PTPRT: variants seen among roughly 807,000 people sequenced by gnomAD.
PTPRT encodes the protein receptor-type tyrosine-protein phosphatase T.
In PTPRT, 56 loss-of-function variants were observed where a neutral mutation model predicts 176.8. That is an observed-to-expected ratio of 0.32 (90% confidence interval 0.26 to 0.40). PTPRT has a LOEUF of 0.40. PTPRT is among the 10% of genes least tolerant of loss of function. The probability of loss-of-function intolerance (pLI) is 1.00; values close to 1 mark genes in which losing one functional copy is unlikely to be tolerated. For synonymous variants in PTPRT, 783 were observed against 739.0 expected (o/e 1.06, Z -0.96); for missense variants, 1,540 against 1,908.2 (o/e 0.81, Z 3.60).
intron 13 of PTPRT, chr20:42,270,328 C>T (rs1600757077): frequency 7.0e-7 from 1 of 1,428,576 alleles, no homozygotes; most frequent in South Asian, 1.2e-5. Flanking sequence ...CTCTGGTGCA[C>T]CTGGCCTGGA....
intron 1 of PTPRT, among the ~76,000 whole-genome samples, chr20:43,058,991 G>A (rs746220815): frequency 2.0e-5 from 3 of 152,102 alleles, no homozygotes; most frequent in Non-Finnish European, 4.4e-5. Context: ...GTGAGGTGGC[G>A]CCAGGTAGGG....
chr20:42,348,393 T>TATTTATTTATTG (rs1002036498), intron 11 of PTPRT, among the ~76,000 whole-genome samples: 5 of 151,656 alleles, frequency 3.3e-5, no homozygotes, highest in Non-Finnish European at 5.9e-5. Context: ...TTTATTTATT[T>TATTTATTTATTG]ATTTATTTAT....
chr20:42,600,365 C>T (rs2073756841), intron 7 of PTPRT, among the ~76,000 whole-genome samples: 7 of 152,318 alleles, frequency 4.6e-5, no homozygotes, highest in Admixed American at 2.0e-4. Context: ...GTCTTGAACT[C>T]CTGACTTCAA....
intron 7 of PTPRT, among the ~76,000 whole-genome samples, chr20:42,614,676 C>T (rs1600474469): frequency 1.3e-5 from 2 of 152,260 alleles, no homozygotes; most frequent in South Asian, 4.1e-4. Flanking sequence ...TTCTGACCAC[C>T]CTGCAATGAA....
intron 12 of PTPRT, among the ~76,000 whole-genome samples, chr20:42,313,286 A>T (rs1377568597): frequency 6.6e-6 from 1 of 152,168 alleles, no homozygotes; most frequent in African/African-American, 2.4e-5. Context: ...GCCCTCAGGG[A>T]TGCTCTGTCT....
At position 42,079,821 on chromosome 20, in the gene PTPRT, C is replaced by T; in HGVS notation, c.*1058G>A. 4.3e-6 allele frequency: 1 copy of T among 230,524 alleles called. No homozygotes were observed. The highest frequency in any genetic ancestry group is 5.7e-5 in the Admixed American group (1 of 17,696). 14.3% of individuals were successfully genotyped at this position (230,524 alleles called of 1,614,324 possible). On this transcript the variant is annotated 3_prime_UTR_variant, in exon 31 of 31. Coordinates refer to ENST00000373187, the MANE Select transcript of PTPRT (RefSeq NM_007050.6). ...CTTCAGGCTCACCCATCTCTCCTTGCTCAGTGGCATGCTGTCCCAGGGTGG... is the reference window on the plus strand; with the variant it reads ...CTTCAGGCTCACCCATCTCTCCTTGTTCAGTGGCATGCTGTCCCAGGGTGG...
At chr20:42,408,781 G>T (rs2058985522) in intron 9 of PTPRT, among the ~76,000 whole-genome samples, 1 of 152,146 alleles carries the variant, frequency 6.6e-6, no homozygotes, top group Non-Finnish European at 1.5e-5. Context: ...TTGAGAGTGG[G>T]TAATTTATAA....
At position 42,796,721 on chromosome 20, in the gene PTPRT, G is replaced by A. The variant is rs545127406; in HGVS notation, c.215-5255C>T. Among the ~76,000 whole-genome samples the A allele has an allele frequency of 9.2e-5, 14 of 152,328 alleles. No individual in the cohort carries two copies. The East Asian group carries it at 2.5e-3, about 27-fold the overall frequency. Reference sequence around the variant, plus strand: ...ACTTAGGAGAAGTATGTGCACACACGTTGGGCATTCCCAGCCTCAGCTTTG... The same window carrying A: ...ACTTAGGAGAAGTATGTGCACACACATTGGGCATTCCCAGCCTCAGCTTTG... On this transcript the variant is annotated intron_variant, in intron 2 of 30. Coordinates refer to ENST00000373187, the MANE Select transcript of PTPRT (RefSeq NM_007050.6).
chr20:43,158,572 C>A (rs571370941), intron 1 of PTPRT, among the ~76,000 whole-genome samples: 2 of 152,150 alleles, frequency 1.3e-5, no homozygotes, highest in Non-Finnish European at 2.9e-5. Flanking sequence ...CCATTCTGTT[C>A]GTGCTCCCAT....
intron 1 of PTPRT, among the ~76,000 whole-genome samples, chr20:43,035,617 G>A (rs1986345275): frequency 1.3e-5 from 2 of 152,190 alleles, no homozygotes; most frequent in Non-Finnish European, 2.9e-5. Flanking sequence ...TTTGCGGAAG[G>A]AAGAGAGGAA....
At chr20:42,876,379 A>G (rs1007963300) in intron 2 of PTPRT, among the ~76,000 whole-genome samples, 3 of 152,310 alleles carry the variant, frequency 2.0e-5, no homozygotes, top group Non-Finnish European at 4.4e-5. Context: ...CTGAGAATAG[A>G]TTACATCTTT....
At chr20:42,056,583 A>ATT in the PTPRT span, among the ~76,000 whole-genome samples, 1 of 152,350 alleles carries the variant, frequency 6.6e-6, no homozygotes, top group African/African-American at 2.4e-5. Context: ...TGATGCTGCA[A>ATT]GAATGCTGTG....
intron 11 of PTPRT, among the ~76,000 whole-genome samples, chr20:42,343,163 T>C (rs755704561): frequency 3.3e-5 from 5 of 152,180 alleles, no homozygotes; most frequent in Non-Finnish European, 5.9e-5. Flanking sequence ...CACACTCTCC[T>C]AGACCACACG....
At chr20:42,604,873 C>T (rs927792476) in intron 7 of PTPRT, among the ~76,000 whole-genome samples, 9 of 152,178 alleles carry the variant, frequency 5.9e-5, no homozygotes, top group African/African-American at 1.7e-4. Context: ...TGACCCAGGC[C>T]CCCCTTGAGG....
the PTPRT span, among the ~76,000 whole-genome samples, chr20:42,055,171 G>A: frequency 1.3e-5 from 2 of 152,186 alleles, no homozygotes; most frequent in African/African-American, 4.8e-5. Context: ...GGCGGTACAG[G>A]TGAGCCTCCA....
At chr20:42,722,390 T>A (rs1222747256) in intron 6 of PTPRT, among the ~76,000 whole-genome samples, 2 of 152,206 alleles carry the variant, frequency 1.3e-5, no homozygotes, top group African/African-American at 2.4e-5. Flanking sequence ...CTAAATCCCC[T>A]GGACATTAGC....
In PTPRT at chr20:42,815,960, T is replaced by C. The variant is rs530435921; in HGVS notation, c.215-24494A>G. On this transcript the variant is annotated intron_variant, in intron 2 of 30. Coordinates refer to ENST00000373187, the MANE Select transcript of PTPRT (RefSeq NM_007050.6). ...CTGTTTGAACAGAAAACTTTTTTTT[T>C]CTCTTTTTTTCATTTCATTTTAATA... Among the ~76,000 whole-genome samples, 11 of 152,322 alleles carry C rather than the reference T, an allele frequency of 7.2e-5. No homozygotes were observed. In the South Asian group the frequency reaches 1.7e-3, roughly 23 times the overall value.
At chr20:42,461,749 T>C (rs563642056) in intron 8 of PTPRT, among the ~76,000 whole-genome samples, 2 of 152,278 alleles carry the variant, frequency 1.3e-5, no homozygotes, top group African/African-American at 4.8e-5. Flanking sequence ...AAATAATTGT[T>C]TTGGTGCAAT....
chr20:42,914,563 T>C (rs551122757), intron 1 of PTPRT, among the ~76,000 whole-genome samples: 1 of 152,296 alleles, frequency 6.6e-6, no homozygotes, highest in Non-Finnish European at 1.5e-5. Flanking sequence ...TGATTTATGT[T>C]AACTGAAAGA....
Sources: allele counts gnomAD v4.1 joint callset (sites outside exome capture counted in the v4.1 genomes callset), GRCh38; gene constraint gnomAD v4.1.1; transcripts MANE v1.5; gene names NCBI Gene and HGNC (gene_info 2026-07-23, HGNC 2026-07-21).